LZIC: variants seen among roughly 807,000 people sequenced by gnomAD.
The protein encoded by LZIC is leucine zipper and CTNNBIP1 domain containing, also known as protein LZIC.
In LZIC, 28 loss-of-function variants were observed where a neutral mutation model predicts 25.4. That is an observed-to-expected ratio of 1.10 (90% CI 0.82 to 1.51). LZIC has a LOEUF of 1.51. Among genes scored for constraint, LZIC ranks in the 40% most tolerant of loss-of-function variants. The pLI, the probability that LZIC is intolerant of heterozygous loss-of-function variation, is 0.00. For missense variants in LZIC, 170 were observed against 211.1 expected, an observed-to-expected ratio of 0.81 and a Z score of 1.21; for synonymous variants, 65 against 70.7, an observed-to-expected ratio of 0.92 and a Z score of 0.40.
rs1282764881 is a variant in LZIC, at chr1:9,928,880, AAAAG to A, written c.*1515_*1518del. 1 of 149,224 alleles carries A rather than the reference AAAAG, an allele frequency of 6.7e-6. No homozygotes were observed. Among genetic ancestry groups the A allele is most frequent in the Admixed American group, 6.8e-5 (1 of 14,718 alleles). 9.2% of individuals were successfully genotyped at this position (149,224 alleles called of 1,614,324 possible). A position where few individuals can be genotyped will look rare whatever the true frequency, so the allele number is the denominator to read the frequency against. ...AAACTCTGTCTCAAAAAAAAAAAAA[AAAAG>A]AAAAGAAAATATTATGCTAAGTGAA... On this transcript the variant is annotated 3_prime_UTR_variant, in exon 8 of 8. Transcript: ENST00000377223.
In LZIC at chr1:9,930,309, T is replaced by C; in HGVS notation, c.*90A>G. ...AGGTTATTGATGCATTTCCAGAATC[T>C]CTTCATTTCTTTGCAATAACTGAAA... On this transcript the variant is annotated 3_prime_UTR_variant, in exon 8 of 8. Transcript: ENST00000377223. The C allele has an allele frequency of 6.4e-7, 1 of 1,564,670 alleles. No individual in the cohort carries two copies. Among genetic ancestry groups the C allele is most frequent in the Non-Finnish European group, 8.6e-7 (1 of 1,158,682 alleles).
chr1:9,932,619 G>A (rs574956559), intron 6 of LZIC, among the ~76,000 whole-genome samples, 184 bp downstream of exon 6: 1 of 146,532 alleles, frequency 6.8e-6, no homozygotes, highest in Non-Finnish European at 1.5e-5. Flanking sequence ...GGAGGGGGAG[G>A]TTGCAGTGAG....
rs1238694926 is a variant in LZIC at position 9,929,230 on chromosome 1, T to A, written c.*1169A>T. 5.2e-6 allele frequency: 4 copies of A among 774,336 alleles called. 1 individual carries two copies. In the African/African-American group the frequency reaches 7.6e-5, roughly 15 times the overall value. The allele number at this position is 774,336 out of a possible 1,614,324, so 48.0% of individuals were successfully genotyped here. ...AAATAAGGCATCAGTGTAGCGGAGG[T>A]CCTCTAATCTGTCTGGTTGGCAAAG... On this transcript the variant is annotated 3_prime_UTR_variant, in exon 8 of 8. Transcript: ENST00000377223.
chr1:9,933,658 C>T (rs935103562), intron 5 of LZIC, among the ~76,000 whole-genome samples: 1 of 152,086 alleles, frequency 6.6e-6, no homozygotes, highest in Admixed American at 6.6e-5. Flanking sequence ...GTAATCCCAC[C>T]ACTTTGGAAG....
rs1404065730 is a variant in LZIC at position 9,928,707 on chromosome 1, C to G, written c.*1692G>C. The stretch of plus-strand genomic sequence containing the variant: ...GGGCCAACATGGTGAAACCCTGTCT[C>G]TATACTAAAGGTACAAAAATTAGCT... On this transcript the variant is annotated 3_prime_UTR_variant, in exon 8 of 8. Coordinates refer to ENST00000377223, the MANE Select transcript of LZIC (RefSeq NM_032368.5). 1.3e-5 allele frequency among the ~76,000 whole-genome samples: 2 copies of G among 151,890 alleles called. No homozygotes were observed. Among genetic ancestry groups the G allele is most frequent in the Non-Finnish European group, 2.9e-5 (2 of 67,988 alleles).
At position 9,930,298 on chromosome 1, in the gene LZIC, T is replaced by C; in HGVS notation, c.*101A>G. The C allele has an allele frequency of 6.4e-7, 1 of 1,559,914 alleles. No individual in the cohort carries two copies. The highest frequency in any genetic ancestry group is 1.2e-5 in the South Asian group (1 of 82,936). On this transcript the variant is annotated 3_prime_UTR_variant, in exon 8 of 8. Coordinates refer to ENST00000377223, the MANE Select transcript of LZIC (RefSeq NM_032368.5). ...CGCTTTTTCTTAGGTTATTGATGCA[T>C]TTCCAGAATCTCTTCATTTCTTTGC...
chr1:9,924,042 A>G (rs560403070), downstream of LZIC, among the ~76,000 whole-genome samples: 644 of 152,226 alleles, frequency 4.2e-3, 4 homozygotes, highest in Middle Eastern at 0.01. Context: ...GCCTGCCACC[A>G]TGCCCAGCTA....
chr1:9,930,347 A>G lies in LZIC; in HGVS notation c.*52T>C, dbSNP rs1640155067. The stretch of plus-strand genomic sequence containing the variant: ...GCAATAACTGAAAACCCCAGAAGAA[A>G]GACACCATTTACATTAAGAATGTGA... On this transcript the variant is annotated 3_prime_UTR_variant, in exon 8 of 8. Coordinates refer to ENST00000377223, the MANE Select transcript of LZIC (RefSeq NM_032368.5). 2 of 1,593,862 alleles carry G rather than the reference A, an allele frequency of 1.3e-6. No homozygotes were observed. The highest frequency in any genetic ancestry group is 1.4e-5 in the African/African-American group (1 of 73,948).
chr1:9,933,671 T>C (rs958529103), intron 5 of LZIC, among the ~76,000 whole-genome samples: 2 of 152,068 alleles, frequency 1.3e-5, no homozygotes, highest in African/African-American at 4.8e-5. Context: ...TTTGGAAGGC[T>C]GAGGTGGGTG....
chr1:9,942,113 C>T (rs372807356), intron 2 of LZIC, among the ~76,000 whole-genome samples: 21 of 151,990 alleles, frequency 1.4e-4, no homozygotes, highest in Admixed American at 9.8e-4. Context: ...GATGGGGTTT[C>T]ACCATGTTGT....
At chr1:9,926,076 G>T (rs953202669), downstream of LZIC, among the ~76,000 whole-genome samples, 1 of 151,592 alleles carries the variant, frequency 6.6e-6, no homozygotes, top group Non-Finnish European at 1.5e-5. Flanking sequence ...TGTATTTTCA[G>T]TAGAGACAAG....
At chr1:9,932,096 AGGCGTG>A in intron 6 of LZIC, 124 bp from the exon 7 acceptor site, 1 of 64,562 alleles carries the variant, frequency 1.5e-5, no homozygotes, top group South Asian at 9.2e-5. Flanking sequence ...GCACTTTGGG[AGGCGTG>A]GGGGGGGGGG....
At chr1:9,938,286 G>A (rs1640547936) in intron 2 of LZIC, among the ~76,000 whole-genome samples, 1 of 151,954 alleles carries the variant, frequency 6.6e-6, no homozygotes, top group Non-Finnish European at 1.5e-5. Context: ...TCCCACCTCT[G>A]CCTCCTGAGT....
chr1:9,929,941 G>C lies in LZIC; in HGVS notation c.*458C>G, dbSNP rs1640138904. On this transcript the variant is annotated 3_prime_UTR_variant, in exon 8 of 8. Transcript: ENST00000377223. ...TTTCCTTGTTTGTAAAAACAGAAATGATTTCTAAGATCACTCAGAATTGTA... is the reference window on the plus strand; with the variant it reads ...TTTCCTTGTTTGTAAAAACAGAAATCATTTCTAAGATCACTCAGAATTGTA... The C allele has an allele frequency of 5.2e-6, 5 of 958,274 alleles. No individual in the cohort carries two copies. Among genetic ancestry groups the C allele is most frequent in the Non-Finnish European group, 6.2e-6 (5 of 805,260 alleles). The allele number at this position is 958,274 out of a possible 1,614,324, so 59.4% of individuals were successfully genotyped here. A position where few individuals can be genotyped will look rare whatever the true frequency, so the allele number is the denominator to read the frequency against.
chr1:9,934,776 T>C lies in LZIC; in HGVS notation c.322A>G (p.Thr108Ala). 6.2e-7 allele frequency: 1 copy of C among 1,614,068 alleles called. No homozygotes were observed. The change falls in exon 5 of 8, where the codon ACA becomes GCA. Residue 108 changes from threonine to alanine, a missense_variant. Transcript: ENST00000377223. ...AGAAATTTTACCTCTGCTAACCTTG[T>C]CCGAAGCTGACCTGGTTGTTTCTTT... ...FAKKQPGQLR[T>A]RLAEMDRDLM...
intron 3 of LZIC, 23 bp from the exon 4 acceptor site, chr1:9,935,650 T>C (rs767354878): frequency 1.9e-6 from 3 of 1,576,656 alleles, no homozygotes; most frequent in African/African-American, 1.4e-5. Flanking sequence ...AACATCATGA[T>C]ATGGAAAAAT....
chr1:9,943,012 G>T (rs1364620372), intron 1 of LZIC: 2 of 330,958 alleles, frequency 6.0e-6, no homozygotes, highest in Non-Finnish European at 6.0e-6. Context: ...GTCAAACCCA[G>T]AGGCTTGGAA....
At chr1:9,938,296 T>C (rs1370673775) in intron 2 of LZIC, among the ~76,000 whole-genome samples, 2 of 152,010 alleles carry the variant, frequency 1.3e-5, no homozygotes, top group African/African-American at 4.8e-5. Flanking sequence ...GCCTCCTGAG[T>C]AGCTGCAAAC....
At chr1:9,922,818 T>G (rs1363328941), downstream of LZIC, among the ~76,000 whole-genome samples, 1 of 152,062 alleles carries the variant, frequency 6.6e-6, no homozygotes, top group East Asian at 1.9e-4. Flanking sequence ...CTTTTCAGAG[T>G]AGGAAACATA....
Sources: gnomAD v4.1 joint callset for allele counts (sites outside exome capture counted in the v4.1 genomes callset) on GRCh38, gnomAD v4.1.1 for gene constraint, MANE v1.5 for transcripts, NCBI Gene and HGNC (gene_info 2026-07-23, HGNC 2026-07-21) for gene names.